The following B3GALT1 variants were observed in gnomAD, a reference collection of about 807,000 sequenced individuals.
B3GALT1 encodes beta-1,3-galactosyltransferase 1, also known as UDP-Gal:betaGlcNAc beta 1,3-galactosyltransferase, polypeptide 1.
In B3GALT1, 10 loss-of-function variants were observed where a neutral mutation model predicts 23.2. The ratio of observed to expected loss-of-function variants is 0.43; its 90% CI spans 0.27 to 0.73. The LOEUF (loss-of-function observed/expected upper bound fraction) is 0.73, where lower values mean the gene tolerates loss of function less well. Among genes scored for constraint, B3GALT1 ranks in the 30% least tolerant of loss-of-function variants. B3GALT1 has a pLI of 0.21. For synonymous variants in B3GALT1, 156 were observed against 141.5 expected (o/e 1.10, Z -0.73); for missense variants, 299 against 405.4 (o/e 0.74, Z 2.25).
intron 1 of B3GALT1, among the ~76,000 whole-genome samples, chr2:167,314,835 C>A (rs1335886266): frequency 6.6e-6 from 1 of 152,042 alleles, no homozygotes; most frequent in Non-Finnish European, 1.5e-5. Flanking sequence ...AGAAAAGATA[C>A]TTTACATAAG....
chr2:167,503,458 C>T (rs1699876026), intron 2 of B3GALT1, among the ~76,000 whole-genome samples: 1 of 152,122 alleles, frequency 6.6e-6, no homozygotes, highest in Admixed American at 6.6e-5. Context: ...CTAAAGCCTC[C>T]AATAACTGAT....
chr2:167,351,002 C>T (rs1697300070), intron 1 of B3GALT1, among the ~76,000 whole-genome samples: 1 of 152,192 alleles, frequency 6.6e-6, no homozygotes, highest in African/African-American at 2.4e-5. Flanking sequence ...GGCGTGGTGG[C>T]TCACGCCTGT....
chr2:167,659,379 C>A lies in B3GALT1; in HGVS notation c.-352+12413C>A, dbSNP rs147836367. On this transcript the variant is annotated intron_variant, in intron 3 of 4. Coordinates refer to ENST00000392690, the MANE Select transcript of B3GALT1 (RefSeq NM_020981.4). Reference sequence around the variant, plus strand: ...GTAGTTCAATATTTATTATTAGGAGCCTTTTGACAAGTGACTAGATAGATG... The same window carrying A: ...GTAGTTCAATATTTATTATTAGGAGACTTTTGACAAGTGACTAGATAGATG... Among the ~76,000 whole-genome samples, 214 of 151,824 alleles carry A rather than the reference C, an allele frequency of 1.4e-3. 1 individual carries two copies. The highest frequency in any genetic ancestry group is 5.0e-3 in the African/African-American group (207 of 41,440).
At chr2:167,807,762 A>C (rs1451513516) in intron 3 of B3GALT1, among the ~76,000 whole-genome samples, 1 of 152,184 alleles carries the variant, frequency 6.6e-6, no homozygotes, top group Non-Finnish European at 1.5e-5. Flanking sequence ...GAATAAGTGC[A>C]ATGTGGTGCT....
chr2:167,714,711 G>C, intron 3 of B3GALT1: 2 of 1,613,836 alleles, frequency 1.2e-6, no homozygotes, highest in Non-Finnish European at 1.7e-6. Flanking sequence ...GAAATAACCT[G>C]CTTTTGATAA....
At chr2:167,501,778 G>A (rs1189874096) in intron 2 of B3GALT1, among the ~76,000 whole-genome samples, 1 of 149,878 alleles carries the variant, frequency 6.7e-6, no homozygotes, top group African/African-American at 2.4e-5. Context: ...GGCTACTCTT[G>A]GAGTAATTAA....
intron 3 of B3GALT1, among the ~76,000 whole-genome samples, chr2:167,747,786 C>T (rs1438594353): frequency 1.3e-5 from 2 of 152,114 alleles, no homozygotes; most frequent in Admixed American, 6.6e-5. Flanking sequence ...TGTAGATGAT[C>T]AAAAGTATGA....
chr2:167,423,511 T>C (rs900279530), intron 1 of B3GALT1, among the ~76,000 whole-genome samples: 3 of 152,166 alleles, frequency 2.0e-5, no homozygotes, highest in Admixed American at 2.0e-4. Flanking sequence ...CCAAAACAAT[T>C]AGTACTATAT....
At chr2:167,825,283 C>CAAAAAAAAAAAA (rs71963760) in intron 4 of B3GALT1, among the ~76,000 whole-genome samples, 42 of 82,192 alleles carry the variant, frequency 5.1e-4, no homozygotes, top group African/African-American at 2.0e-3. Flanking sequence ...GACTCCGTCT[C>CAAAAAAAAAAAA]AAAAAAAAAA....
chr2:167,820,545 GT>G (rs1689083028), intron 4 of B3GALT1, among the ~76,000 whole-genome samples: 1 of 152,296 alleles, frequency 6.6e-6, no homozygotes, highest in South Asian at 2.1e-4. Flanking sequence ...TCAAGGTGTG[GT>G]TTTCTCCTTC....
chr2:167,398,030 C>T (rs1325552487), intron 1 of B3GALT1, among the ~76,000 whole-genome samples: 2 of 152,156 alleles, frequency 1.3e-5, no homozygotes, highest in Non-Finnish European at 2.9e-5. Context: ...AGCAATTAAT[C>T]TTTGTTACCG....
chr2:167,393,238 GA>G (rs202005651), intron 1 of B3GALT1, among the ~76,000 whole-genome samples: 3,888 of 89,192 alleles, frequency 0.044, 159 homozygotes, highest in African/African-American at 0.13. Context: ...CGTCTCAAAA[GA>G]AAAAAAAAAA....
Position 167,874,030 on chromosome 2 carries a change from A to C in B3GALT1, c.*4010A>C, listed in dbSNP as rs577106333. ...TTTTTTAAACCATTGGGACAAATAA[A>C]CAGAAGGAGAACAAATGTGTCACTT... On this transcript the variant is annotated 3_prime_UTR_variant, in exon 5 of 5. Transcript: ENST00000392690. 1 of 152,248 alleles carries C rather than the reference A, an allele frequency of 6.6e-6. No homozygotes were observed. The highest frequency in any genetic ancestry group is 1.5e-5 in the Non-Finnish European group (1 of 68,048). 9.4% of individuals were successfully genotyped at this position (152,248 alleles called of 1,614,324 possible). A position where few individuals can be genotyped will look rare whatever the true frequency, so the allele number is the denominator to read the frequency against.
rs1479230352 is a variant in B3GALT1, at chr2:167,341,016, G to C, written c.-511+47682G>C. On this transcript the variant is annotated intron_variant, in intron 1 of 4. Transcript: ENST00000392690. ...ATAAATAAAACAATAAAATCAAATG[G>C]AAATTCTACAACTGGAAACTGACAT... Among the ~76,000 whole-genome samples, 3 of 152,096 alleles carry C rather than the reference G, an allele frequency of 2.0e-5. No homozygotes were observed. The East Asian group carries it at 5.8e-4, about 29-fold the overall frequency.
intron 1 of B3GALT1, among the ~76,000 whole-genome samples, chr2:167,472,529 C>T (rs572437945): frequency 2.1e-4 from 32 of 152,220 alleles, no homozygotes; most frequent in African/African-American, 7.0e-4. Context: ...CCTGTAGAAC[C>T]TCTAATTACT....
In B3GALT1 at chr2:167,797,709, TGTTTTG is replaced by T. The variant is rs1558982260; in HGVS notation, c.-351-20962_-351-20957del. ...ATGTATCTCATTGTGGATTTTGTTT[TGTTTTG>T]TTTTGTTTTTTGAGATAGAGTCTTG... is the stretch of plus-strand genomic sequence containing the variant. On this transcript the variant is annotated intron_variant, in intron 3 of 4. Coordinates refer to ENST00000392690, the MANE Select transcript of B3GALT1 (RefSeq NM_020981.4). Among the ~76,000 whole-genome samples the T allele has an allele frequency of 1.0e-3, 158 of 152,076 alleles. 4 individuals are homozygous for T. Among genetic ancestry groups the T allele is most frequent in the African/African-American group, 3.6e-3 (150 of 41,372 alleles).
intron 2 of B3GALT1, among the ~76,000 whole-genome samples, chr2:167,545,854 A>G (rs1683627737): frequency 6.6e-6 from 1 of 152,186 alleles, no homozygotes; most frequent in Admixed American, 6.5e-5. Context: ...AGTGTTTTGA[A>G]TTTCTGAAAT....
intron 2 of B3GALT1, among the ~76,000 whole-genome samples, chr2:167,617,607 C>CT (rs1029927392): frequency 1.3e-5 from 2 of 151,970 alleles, no homozygotes; most frequent in African/African-American, 2.4e-5. Context: ...CTTTGTAAAA[C>CT]TTTTTTTGGA....
intron 1 of B3GALT1, among the ~76,000 whole-genome samples, chr2:167,356,662 T>C (rs1398776423): frequency 1.3e-5 from 2 of 152,122 alleles, no homozygotes; most frequent in African/African-American, 4.8e-5. Flanking sequence ...GCCAGAACTT[T>C]AGACTTTTCT....
Sources: gnomAD v4.1 joint callset for allele counts (sites outside exome capture counted in the v4.1 genomes callset) on GRCh38, gnomAD v4.1.1 for gene constraint, MANE v1.5 for transcripts, NCBI Gene and HGNC (gene_info 2026-07-23, HGNC 2026-07-21) for gene names.